The following ARL15 variants were observed in gnomAD, a reference collection of about 807,000 sequenced individuals.
ARL15 encodes ARF like GTPase 15.
In ARL15, 19 loss-of-function variants were observed where a neutral mutation model predicts 25.2. The observed-to-expected ratio is 0.75, with a 90% CI of 0.53 to 1.10. The LOEUF (loss-of-function observed/expected upper bound fraction) is 1.10, where lower values mean the gene tolerates loss of function less well. Ranked by LOEUF, ARL15 falls within the 50% of genes least tolerant of loss-of-function variation. The pLI is 0.00. For synonymous variants in ARL15, 94 were observed against 86.8 expected (o/e 1.08, Z -0.46); for missense variants, 220 against 246.0 (o/e 0.89, Z 0.71).
intron 4 of ARL15, among the ~76,000 whole-genome samples, chr5:54,037,849 A>G (rs1181039874): frequency 6.6e-6 from 1 of 152,116 alleles, no homozygotes; most frequent in African/African-American, 2.4e-5. Flanking sequence ...CAAACCTATC[A>G]TTTATTTCCA....
At chr5:54,266,044 A>G (rs1757615017) in intron 1 of ARL15, among the ~76,000 whole-genome samples, 1 of 152,248 alleles carries the variant, frequency 6.6e-6, no homozygotes, top group Non-Finnish European at 1.5e-5. Context: ...TCCCTGTTCT[A>G]AACGGCTCCA....
chr5:54,295,430 G>A lies in ARL15; in HGVS notation c.48+15002C>T, dbSNP rs147260652. On this transcript the variant is annotated intron_variant, in intron 1 of 4. Coordinates refer to ENST00000504924, the MANE Select transcript of ARL15 (RefSeq NM_019087.3). ...ACATCCACAGAAATAATAAATAGGG[G>A]CTGCACTCCAGGCTCAAAAAGTGAT... Among the ~76,000 whole-genome samples, 1,011 of 152,222 alleles carry A rather than the reference G, an allele frequency of 6.6e-3. 22 individuals are homozygous for A. Among genetic ancestry groups the A allele is most frequent in the African/African-American group, 0.023 (959 of 41,536 alleles).
At chr5:53,904,485 T>C (rs1745175091) in intron 4 of ARL15, among the ~76,000 whole-genome samples, 1 of 152,200 alleles carries the variant, frequency 6.6e-6, no homozygotes, top group Non-Finnish European at 1.5e-5. Context: ...TGCTGTTGGA[T>C]TGGATTTAGA....
intron 2 of ARL15, among the ~76,000 whole-genome samples, chr5:54,164,468 G>A (rs757599187): frequency 2.0e-5 from 3 of 152,052 alleles, no homozygotes; most frequent in Admixed American, 6.5e-5. Flanking sequence ...AACTGACGTC[G>A]CTGATTGTAA....
intron 4 of ARL15, among the ~76,000 whole-genome samples, chr5:53,936,282 C>A (rs138340255): frequency 1.3e-5 from 2 of 152,258 alleles, no homozygotes; most frequent in African/African-American, 4.8e-5. Context: ...GTGCATTTAT[C>A]CTCACCAACT....
At chr5:54,064,620 C>A (rs1009321379) in intron 4 of ARL15, among the ~76,000 whole-genome samples, 2 of 152,084 alleles carry the variant, frequency 1.3e-5, no homozygotes, top group Non-Finnish European at 2.9e-5. Flanking sequence ...GATGTGTGAC[C>A]TCAGGCATGT....
intron 1 of ARL15, among the ~76,000 whole-genome samples, chr5:54,207,921 T>C (rs1755916817): frequency 6.6e-6 from 1 of 152,220 alleles, no homozygotes; most frequent in Non-Finnish European, 1.5e-5. Flanking sequence ...CTACACCTTT[T>C]ATTTTCTGTA....
chr5:54,163,875 C>A (rs1281705963), intron 2 of ARL15, among the ~76,000 whole-genome samples: 1 of 151,922 alleles, frequency 6.6e-6, no homozygotes, highest in African/African-American at 2.4e-5. Context: ...CTAATTTTCT[C>A]TATGGCTCTT....
chr5:54,179,247 T>G (rs764632552), intron 1 of ARL15, among the ~76,000 whole-genome samples: 9 of 152,122 alleles, frequency 5.9e-5, no homozygotes, highest in Non-Finnish European at 1.2e-4. Flanking sequence ...CCGAGAGCTA[T>G]TAAGTGGCAG....
intron 1 of ARL15, among the ~76,000 whole-genome samples, chr5:54,300,388 C>T (rs1241740774): frequency 1.3e-5 from 2 of 152,200 alleles, no homozygotes; most frequent in Admixed American, 6.5e-5. Context: ...TTGTCCAGCA[C>T]CCAGCTGTTG....
chr5:53,890,491 A>G (rs1054383930), intron 4 of ARL15, among the ~76,000 whole-genome samples: 1 of 152,204 alleles, frequency 6.6e-6, no homozygotes, highest in Non-Finnish European at 1.5e-5. Context: ...TTAAGTGAAA[A>G]CTTCTTGAAT....
At chr5:54,054,651 G>T (rs1225159250) in intron 4 of ARL15, among the ~76,000 whole-genome samples, 1 of 152,246 alleles carries the variant, frequency 6.6e-6, no homozygotes, top group East Asian at 1.9e-4. Flanking sequence ...TTAGCCGGGC[G>T]TGGCAGCGTG....
At chr5:54,192,081 C>T (rs1337395711) in intron 1 of ARL15, among the ~76,000 whole-genome samples, 1 of 152,106 alleles carries the variant, frequency 6.6e-6, no homozygotes, top group Non-Finnish European at 1.5e-5. Context: ...TTGGTAACAT[C>T]CAACTTCAGG....
chr5:54,181,593 T>C (rs1561255951), intron 1 of ARL15, among the ~76,000 whole-genome samples: 1 of 152,220 alleles, frequency 6.6e-6, no homozygotes, highest in Non-Finnish European at 1.5e-5. Flanking sequence ...AAGGGCATTT[T>C]CTATATTTTA....
chr5:54,195,726 C>T (rs1305214707), intron 1 of ARL15, among the ~76,000 whole-genome samples: 1 of 152,076 alleles, frequency 6.6e-6, no homozygotes, highest in Non-Finnish European at 1.5e-5. Context: ...TATATATATA[C>T]ATCTTTCTCT....
chr5:53,929,451 T>C (rs1387216578), intron 4 of ARL15, among the ~76,000 whole-genome samples: 2 of 152,206 alleles, frequency 1.3e-5, no homozygotes, highest in African/African-American at 2.4e-5. Flanking sequence ...AAGATGAGCA[T>C]AGTGAAAACT....
At chr5:54,095,498 G>A (rs921423410) in intron 4 of ARL15, among the ~76,000 whole-genome samples, 13 of 152,262 alleles carry the variant, frequency 8.5e-5, no homozygotes, top group African/African-American at 2.6e-4. Flanking sequence ...GTTGAGAGCT[G>A]CTAAAGGCTG....
intron 1 of ARL15, among the ~76,000 whole-genome samples, chr5:54,230,346 G>GAACA (rs1756633096): frequency 1.1e-5 from 1 of 91,854 alleles, no homozygotes; most frequent in South Asian, 3.6e-4. Context: ...TTCCATCTCA[G>GAACA]AAAAAAAAAA....
chr5:54,060,383 C>T (rs1413911955), intron 4 of ARL15, among the ~76,000 whole-genome samples: 8 of 152,140 alleles, frequency 5.3e-5, no homozygotes, highest in Non-Finnish European at 1.2e-4. Context: ...TGCAGTGAGC[C>T]CAGATCCTGC....
Sources: allele counts gnomAD v4.1 joint callset (sites outside exome capture counted in the v4.1 genomes callset), GRCh38; gene constraint gnomAD v4.1.1; transcripts MANE v1.5; gene names NCBI Gene and HGNC (gene_info 2026-07-23, HGNC 2026-07-21).